Variants in BMPR1B observed in about 807,000 individuals in gnomAD.
BMPR1B encodes bone morphogenetic protein receptor type-1B.
A neutral mutation model predicts 59.1 loss-of-function variants in BMPR1B; 12 were observed. The observed-to-expected ratio is 0.20, with a 90% confidence interval of 0.13 to 0.33. The LOEUF is 0.33. BMPR1B is among the 10% of genes least tolerant of loss of function. BMPR1B has a pLI of 1.00. For missense variants in BMPR1B, 550 were observed against 610.9 expected, an observed-to-expected ratio of 0.90 and a Z score of 1.05; for synonymous variants, 237 against 207.3, an observed-to-expected ratio of 1.14 and a Z score of -1.23.
intron 2 of BMPR1B, among the ~76,000 whole-genome samples, chr4:94,934,998 C>T (rs890232465): frequency 6.6e-6 from 1 of 151,996 alleles, no homozygotes; most frequent in Non-Finnish European, 1.5e-5. Flanking sequence ...TTCATAACTA[C>T]ACTAAGTCAT....
At chr4:95,065,440 G>A (rs1224668130) in intron 3 of BMPR1B, among the ~76,000 whole-genome samples, 1 of 152,116 alleles carries the variant, frequency 6.6e-6, no homozygotes, top group African/African-American at 2.4e-5. Context: ...GAATTTTATA[G>A]TATGTTAATT....
At chr4:94,997,301 C>G (rs1252888197) in intron 3 of BMPR1B, among the ~76,000 whole-genome samples, 2 of 152,118 alleles carry the variant, frequency 1.3e-5, no homozygotes, top group Non-Finnish European at 2.9e-5. Context: ...AAACTGGACA[C>G]CATTAGAGAT....
At chr4:94,799,940 G>T (rs35070714) in intron 1 of BMPR1B, among the ~76,000 whole-genome samples, 1 of 151,220 alleles carries the variant, frequency 6.6e-6, no homozygotes, top group African/African-American at 2.4e-5. Flanking sequence ...ATAACTTGCC[G>T]CAGCCTCCCA....
intron 2 of BMPR1B, among the ~76,000 whole-genome samples, chr4:94,967,728 C>T (rs1042165936): frequency 1.3e-5 from 2 of 152,174 alleles, no homozygotes; most frequent in Non-Finnish European, 1.5e-5. Context: ...AAGTGAGCGC[C>T]TGCCTCAGCC....
At chr4:94,788,399 C>T (rs1722839336) in intron 1 of BMPR1B, among the ~76,000 whole-genome samples, 1 of 152,076 alleles carries the variant, frequency 6.6e-6, no homozygotes, top group Admixed American at 6.5e-5. Flanking sequence ...TGGTCTTTTG[C>T]TGCCTAGTGG....
intron 2 of BMPR1B, among the ~76,000 whole-genome samples, chr4:94,943,990 T>C (rs1291710290): frequency 6.6e-6 from 1 of 152,202 alleles, no homozygotes; most frequent in Non-Finnish European, 1.5e-5. Flanking sequence ...AGTACCGACA[T>C]GATACCACAA....
intron 12 of BMPR1B, among the ~76,000 whole-genome samples, chr4:95,153,460 G>A (rs1735197817): frequency 6.6e-6 from 1 of 152,012 alleles, no homozygotes. Flanking sequence ...TGAGTTTGAA[G>A]CACCACTGGA....
chr4:95,096,453 T>C (rs1258268866), intron 3 of BMPR1B, among the ~76,000 whole-genome samples: 2 of 151,396 alleles, frequency 1.3e-5, no homozygotes, highest in Admixed American at 6.6e-5. Flanking sequence ...TCTGTAAATC[T>C]ATTTCTAAAG....
intron 2 of BMPR1B, among the ~76,000 whole-genome samples, chr4:94,923,481 A>C (rs1279503238): frequency 1.3e-5 from 2 of 152,122 alleles, no homozygotes; most frequent in African/African-American, 4.8e-5. Flanking sequence ...GAGACTACTC[A>C]AGGTAATGAC....
At chr4:94,815,985 G>C (rs886921497) in intron 1 of BMPR1B, among the ~76,000 whole-genome samples, 1 of 152,092 alleles carries the variant, frequency 6.6e-6, no homozygotes, top group Non-Finnish European at 1.5e-5. Context: ...TTCATAGACT[G>C]TAGTCTATGT....
chr4:94,847,938 C>T (rs1411041259), intron 1 of BMPR1B, among the ~76,000 whole-genome samples: 1 of 151,930 alleles, frequency 6.6e-6, no homozygotes, highest in Non-Finnish European at 1.5e-5. Context: ...TTTTTTGTAA[C>T]ACGAAGAAAT....
intron 3 of BMPR1B, among the ~76,000 whole-genome samples, chr4:95,043,181 CAAAAAAAAAAA>C (rs751904820): frequency 2.5e-4 from 13 of 51,460 alleles, no homozygotes; most frequent in South Asian, 1.1e-3. Flanking sequence ...GACTCCGTCT[CAAAAAAAAAAA>C]AAAAAAAAAA....
intron 3 of BMPR1B, among the ~76,000 whole-genome samples, chr4:95,011,047 G>A (rs1459441844): frequency 6.6e-6 from 1 of 151,846 alleles, no homozygotes; most frequent in Non-Finnish European, 1.5e-5. Flanking sequence ...TTTTTAATCT[G>A]TACCTGATTT....
intron 2 of BMPR1B, among the ~76,000 whole-genome samples, chr4:94,913,043 CT>C (rs1266610610): frequency 6.6e-6 from 1 of 151,840 alleles, no homozygotes. Context: ...GAAATTATAA[CT>C]TTTAAATACA....
At chr4:95,031,889 G>C (rs890898204) in intron 3 of BMPR1B, among the ~76,000 whole-genome samples, 1 of 152,112 alleles carries the variant, frequency 6.6e-6, no homozygotes, top group Non-Finnish European at 1.5e-5. Context: ...TCGTGCCACT[G>C]TACTCCAGTC....
chr4:95,129,833 C>T (rs1733184962), intron 8 of BMPR1B, 29 bp from the exon 9 acceptor site: 3 of 1,607,608 alleles, frequency 1.9e-6, no homozygotes, highest in South Asian at 1.1e-5. Context: ...GCTGTGAATA[C>T]ACTAACAGTG....
intron 2 of BMPR1B, among the ~76,000 whole-genome samples, chr4:94,930,739 T>C (rs1217496551): frequency 6.6e-6 from 1 of 152,148 alleles, no homozygotes; most frequent in Non-Finnish European, 1.5e-5. Context: ...ATTAAAACTC[T>C]TGTTTTCAAG....
chr4:95,112,365 G>T (rs1351171701), intron 4 of BMPR1B, among the ~76,000 whole-genome samples: 1 of 152,086 alleles, frequency 6.6e-6, no homozygotes, highest in Non-Finnish European at 1.5e-5. Context: ...AATTGTGACA[G>T]CCTGTAGCCG....
chr4:95,131,427 C>G lies in BMPR1B; in HGVS notation c.991C>G (p.Arg331Gly), dbSNP rs376126706. Reference protein sequence around the residue: ...STQGKPAIAHRDLKSKNILVK... With the variant: ...STQGKPAIAHGDLKSKNILVK... The stretch of plus-strand genomic sequence containing the variant: ...TCAAGGCAAACCAGCAATTGCCCAT[C>G]GAGATCTGAAAAGTAAAAACATTCT... The change falls in exon 10 of 13, where the codon CGA (arginine) becomes GGA (glycine). Residue 331 changes from arginine to glycine, a missense_variant. Coordinates refer to ENST00000515059, the MANE Select transcript of BMPR1B (RefSeq NM_001203.3). The G allele has an allele frequency of 4.3e-6, 7 of 1,613,900 alleles. No individual in the cohort carries two copies. Among genetic ancestry groups the G allele is most frequent in the African/African-American group, 1.3e-5 (1 of 74,882 alleles).
Sources: gnomAD v4.1 joint callset for allele counts (sites outside exome capture counted in the v4.1 genomes callset) on GRCh38, gnomAD v4.1.1 for gene constraint, MANE v1.5 for transcripts, NCBI Gene and HGNC (gene_info 2026-07-23, HGNC 2026-07-21) for gene names.